The following UPF2 variants were observed in gnomAD, a reference collection of about 807,000 sequenced individuals.
UPF2 encodes regulator of nonsense transcripts 2.
UPF2 carries 17 observed loss-of-function variants against 141.4 expected under a neutral mutation model. That is an observed-to-expected ratio of 0.12 (90% CI 0.08 to 0.18). The LOEUF (loss-of-function observed/expected upper bound fraction) is 0.18. Ranked by LOEUF, UPF2 falls within the 10% of genes least tolerant of loss-of-function variation. UPF2 has a pLI of 1.00. For missense variants in UPF2, 1,152 were observed against 1,515.9 expected, an observed-to-expected ratio of 0.76 and a Z score of 3.99; for synonymous variants, 540 against 498.0, an observed-to-expected ratio of 1.08 and a Z score of -1.12.
rs948914105 is a variant in UPF2 at position 11,953,677 on chromosome 10, A to G, written c.2851-1428T>C. 6.6e-6 allele frequency among the ~76,000 whole-genome samples: 1 copy of G among 152,214 alleles called. No homozygotes were observed. Among genetic ancestry groups the G allele is most frequent in the African/African-American group, 2.4e-5 (1 of 41,466 alleles). ...CTGTTATAGCTGCCATTTTGCAGCA[A>G]AACTCTGGCTTTTAATACAGTATCC... On this transcript the variant is annotated intron_variant, in intron 14 of 21. Coordinates refer to ENST00000357604, the MANE Select transcript of UPF2 (RefSeq NM_015542.4). This position sits in a 1 kb window ranked among gnomAD's most constrained non-coding sequence, Gnocchi z 5.0.
At chr10:12,027,878 C>G (rs546387610) in intron 3 of UPF2, among the ~76,000 whole-genome samples, 116 of 152,256 alleles carry the variant, frequency 7.6e-4, no homozygotes, top group African/African-American at 2.6e-3. Context: ...AATTTCTGAT[C>G]AACAGTAATT....
chr10:11,967,947 C>T (rs756948745), intron 9 of UPF2, among the ~76,000 whole-genome samples: 11 of 152,086 alleles, frequency 7.2e-5, no homozygotes, highest in Non-Finnish European at 1.3e-4. Flanking sequence ...TTCAGGAGGC[C>T]GAGGTTGGCG....
Position 11,992,087 on chromosome 10 carries a change from T to C in UPF2, c.1844+5585A>G, listed in dbSNP as rs1292432290. On this transcript the variant is annotated intron_variant, in intron 8 of 21. Transcript: ENST00000357604. The surrounding 1 kb of genome is among the most constrained non-coding windows in gnomAD (Gnocchi z 4.1). ...CTTGAACTGGAGGCAGAGGTTGCAGTGAGCCAAGATCGCGCCACTGCACTC... is the reference window on the plus strand; with the variant it reads ...CTTGAACTGGAGGCAGAGGTTGCAGCGAGCCAAGATCGCGCCACTGCACTC... Among the ~76,000 whole-genome samples, 6 of 151,856 alleles carry C rather than the reference T, an allele frequency of 4.0e-5. No individual in the cohort carries two copies. The highest frequency in any genetic ancestry group is 1.2e-4 in the African/African-American group (5 of 41,328).
At chr10:12,029,830 C>A (rs1293428434) in intron 2 of UPF2, among the ~76,000 whole-genome samples, 3 of 151,874 alleles carry the variant, frequency 2.0e-5, no homozygotes, top group Non-Finnish European at 4.4e-5. Context: ...GGCGTGATGG[C>A]GCTCACCTGT....
Position 11,939,290 on chromosome 10 carries a change from C to A in UPF2, c.3379-2578G>T, listed in dbSNP as rs1363201006. On this transcript the variant is annotated intron_variant, in intron 18 of 21. Transcript: ENST00000357604. This position sits in a 1 kb window ranked among gnomAD's most constrained non-coding sequence, Gnocchi z 4.8. ...AGCACTTGATGCAGGGCCCAACAGT[C>A]TTCATAATTATTGGAGTGTTTGATA... Among the ~76,000 whole-genome samples the A allele has an allele frequency of 6.6e-6, 1 of 152,108 alleles. No homozygotes were observed. Among genetic ancestry groups the A allele is most frequent in the African/African-American group, 2.4e-5 (1 of 41,410 alleles).
intron 2 of UPF2, among the ~76,000 whole-genome samples, chr10:12,031,015 A>G (rs1332235415): frequency 6.6e-6 from 1 of 150,964 alleles, no homozygotes; most frequent in African/African-American, 2.4e-5. Flanking sequence ...TCTACTAAAA[A>G]TACAAAAAAT....
At chr10:11,972,036 C>T (rs1411576208) in intron 9 of UPF2, among the ~76,000 whole-genome samples, 1 of 148,638 alleles carries the variant, frequency 6.7e-6, no homozygotes, top group East Asian at 2.0e-4. Flanking sequence ...TGTACTCTGG[C>T]CCGGATAACA....
In UPF2 at chr10:11,955,397, A is replaced by C. The variant is rs753035978; in HGVS notation, c.2685T>G (p.Ser895=). The change falls in exon 14 of 22, where the codon TCT becomes TCG. Residue 895 remains serine (S), a synonymous_variant. Transcript: ENST00000357604. ...CAGGATTAACACCAAATGAGGTAAA[A>C]GAATACAGAGTTCTGAAAATAACAG... ...ESAVIFRTLY[S]FTSFGVNPDG... 6.2e-7 allele frequency: 1 copy of C among 1,614,208 alleles called. No homozygotes were observed.
Position 11,935,582 on chromosome 10 carries a change from C to A in UPF2, c.3546+963G>T, listed in dbSNP as rs58293215. On this transcript the variant is annotated intron_variant, in intron 19 of 21. Transcript: ENST00000357604. This position sits in a 1 kb window ranked among gnomAD's most constrained non-coding sequence, Gnocchi z 4.9. ...GATCTCAGAAATGTTAAGATGTAAA[C>A]AAATTTTTACAGAATTGACCTAAAT... Among the ~76,000 whole-genome samples, 9,723 of 152,206 alleles carry A rather than the reference C, an allele frequency of 0.064. 388 individuals are homozygous for A. The highest frequency in any genetic ancestry group is 0.092 in the Non-Finnish European group (6,250 of 67,994).
At chr10:12,005,964 C>T (rs1217416357) in intron 4 of UPF2, among the ~76,000 whole-genome samples, 1 of 152,116 alleles carries the variant, frequency 6.6e-6, no homozygotes, top group African/African-American at 2.4e-5. Flanking sequence ...ACTGTAGCCT[C>T]GAAATCCTGG....
intron 21 of UPF2, among the ~76,000 whole-genome samples, chr10:11,922,710 G>A (rs1301040993): frequency 6.6e-6 from 1 of 152,002 alleles, no homozygotes; most frequent in East Asian, 1.9e-4. Context: ...TGGATTAAAT[G>A]CAATTCTACA....
At position 12,035,049 on chromosome 10, in the gene UPF2, A is replaced by C; in HGVS notation, c.365+10T>G. ...TCCCTCACATCAATAAATACAATCA[A>C]CTGCCTTACTTCATCTGAGCAGCTG... On this transcript the variant is annotated intron_variant, in intron 2 of 21. Coordinates refer to ENST00000357604, the MANE Select transcript of UPF2 (RefSeq NM_015542.4). The C allele has an allele frequency of 6.5e-7, 1 of 1,545,622 alleles. No individual in the cohort carries two copies. The highest frequency in any genetic ancestry group is 2.3e-5 in the East Asian group (1 of 44,260).
intron 8 of UPF2, among the ~76,000 whole-genome samples, chr10:11,995,101 A>G (rs1267195389): frequency 6.9e-6 from 1 of 145,208 alleles, no homozygotes; most frequent in Non-Finnish European, 1.5e-5. Context: ...AAGTGCTATA[A>G]AGAATACCTC....
chr10:11,922,722 T>A (rs1268930367), intron 21 of UPF2, among the ~76,000 whole-genome samples: 1 of 152,130 alleles, frequency 6.6e-6, no homozygotes, highest in Non-Finnish European at 1.5e-5. Context: ...AATTCTACAA[T>A]GGACTCTATT....
At chr10:12,017,577 T>C (rs1055618828) in intron 3 of UPF2, among the ~76,000 whole-genome samples, 1 of 152,172 alleles carries the variant, frequency 6.6e-6, no homozygotes, top group African/African-American at 2.4e-5. Flanking sequence ...TCACTGATAC[T>C]CCTTACCCTC....
chr10:11,937,131 T>C (rs1832862742), intron 18 of UPF2, among the ~76,000 whole-genome samples: 1 of 152,236 alleles, frequency 6.6e-6, no homozygotes, highest in African/African-American at 2.4e-5. Context: ...CAGCAGGGCG[T>C]TACCCACAGC....
In UPF2 at chr10:11,991,203, C is replaced by T. The variant is rs189772533; in HGVS notation, c.1844+6469G>A. 4.9e-4 allele frequency among the ~76,000 whole-genome samples: 75 copies of T among 152,052 alleles called. No individual in the cohort carries two copies. The Middle Eastern group carries it at 0.01, about 21-fold the overall frequency. ...GCCATGAAATATATGAAAATTCTGG[C>T]CAGTTTTCCATGCATTTTTTAAAGA... is the stretch of plus-strand genomic sequence containing the variant. On this transcript the variant is annotated intron_variant, in intron 8 of 21. Transcript: ENST00000357604.
intron 9 of UPF2, among the ~76,000 whole-genome samples, chr10:11,974,743 G>A (rs370592195): frequency 7.9e-5 from 12 of 152,240 alleles, no homozygotes; most frequent in East Asian, 3.9e-4. Flanking sequence ...TGATCATGGC[G>A]GATAAGCTTT....
intron 1 of UPF2, among the ~76,000 whole-genome samples, chr10:12,038,494 C>A (rs1834675279): frequency 6.6e-6 from 1 of 151,616 alleles, no homozygotes; most frequent in Admixed American, 6.6e-5. Context: ...TTTGGGAAGC[C>A]AAGGCAGGCA....
Sources: gnomAD v4.1 joint callset for allele counts (sites outside exome capture counted in the v4.1 genomes callset) on GRCh38, gnomAD v4.1.1 for gene constraint, Gnocchi (gnomAD v3.1) non-coding constraint, MANE v1.5 for transcripts, NCBI Gene and HGNC (gene_info 2026-07-23, HGNC 2026-07-21) for gene names.